PPFIA3: variants seen among roughly 807,000 people sequenced by gnomAD.
PPFIA3 encodes the protein PPFI scaffold protein A3, also known as liprin-alpha-3.
A neutral mutation model predicts 145.8 loss-of-function variants in PPFIA3; 26 were observed. The observed-to-expected ratio is 0.18, with a 90% CI of 0.13 to 0.25. The LOEUF (loss-of-function observed/expected upper bound fraction) is 0.25. Ranked by LOEUF, PPFIA3 falls within the 10% of genes least tolerant of loss-of-function variation. The probability of loss-of-function intolerance (pLI) is 1.00; values close to 1 mark genes in which losing one functional copy is unlikely to be tolerated. For synonymous variants in PPFIA3, 645 were observed against 661.4 expected (o/e 0.98, Z 0.38); for missense variants, 1,008 against 1,587.8 (o/e 0.63, Z 6.21).
intron 23 of PPFIA3, among the ~76,000 whole-genome samples, chr19:49,147,515 G>A (rs557777144): frequency 1.7e-4 from 26 of 152,030 alleles, no homozygotes; most frequent in African/African-American, 5.5e-4. Context: ...GTGAAACGCC[G>A]TCTCTACTAA....
At chr19:49,131,551 C>T (rs1242830782) in intron 7 of PPFIA3, among the ~76,000 whole-genome samples, 7 of 151,944 alleles carry the variant, frequency 4.6e-5, no homozygotes, top group African/African-American at 1.4e-4. Context: ...ATCCCAGTGA[C>T]CCCAGGGAGC....
At chr19:49,139,377 T>C (rs1410397070) in intron 16 of PPFIA3, among the ~76,000 whole-genome samples, 1 of 149,842 alleles carries the variant, frequency 6.7e-6, no homozygotes, top group Non-Finnish European at 1.5e-5. Context: ...TAATCTCAGC[T>C]ACTTGGGAGG....
intron 23 of PPFIA3, 103 bp downstream of exon 23, chr19:49,146,295 C>T: frequency 2.1e-6 from 3 of 1,400,414 alleles, no homozygotes; most frequent in Non-Finnish European, 2.9e-6. Context: ...AACATGCCAT[C>T]ATCCCCATGG....
chr19:49,121,272 C>T (rs2040933425), intron 1 of PPFIA3, among the ~76,000 whole-genome samples: 2 of 152,190 alleles, frequency 1.3e-5, no homozygotes, highest in African/African-American at 4.8e-5. Context: ...ATAAGGAGAT[C>T]TAGAAGCTAC....
At position 49,141,436 on chromosome 19, in the gene PPFIA3, T is replaced by C. The variant is rs200252118; in HGVS notation, c.2385T>C (p.Asp795=). The C allele has an allele frequency of 5.6e-6, 9 of 1,613,920 alleles. No homozygotes were observed. The Admixed American group carries it at 1.0e-4, about 18-fold the overall frequency. ...TGCCTCCAGCTGGAACACCCTCAGA[T>C]GAGACACTGGCCACTGACCCTCTGG... ...DSSSLAGTPS[D]ETLATDPLGL... Residue 795 remains aspartate (D), a synonymous_variant, in exon 19 of 30, where the codon GAT becomes GAC. Transcript: ENST00000334186.
At position 49,139,812 on chromosome 19, in the gene PPFIA3, G is replaced by A; in HGVS notation, c.2221G>A (p.Gly741Arg). The change falls in exon 17 of 30, where the codon GGG becomes AGG. Residue 741 changes from glycine to arginine, a missense_variant. Coordinates refer to ENST00000334186, the MANE Select transcript of PPFIA3 (RefSeq NM_003660.4). ...LALQAGSLEDGGPPRGSEGTP... is the reference protein window; with the variant it reads ...LALQAGSLEDRGPPRGSEGTP... ...ACTGCAGGCGGGGTCCCTGGAAGAT[G>A]GGGGACCCCCACGGGGAAGGTCAGC... is the stretch of plus-strand genomic sequence containing the variant. The A allele has an allele frequency of 6.2e-7, 1 of 1,611,252 alleles. No homozygotes were observed. Among genetic ancestry groups the A allele is most frequent in the Non-Finnish European group, 8.5e-7 (1 of 1,178,188 alleles).
Position 49,149,483 on chromosome 19 carries a change from AAAGG to A in PPFIA3, c.3355-59_3355-56del. ...GTGAGACCCGGAGAGGGGTGGAGTC[AAAGG>A]AAGGGGCGGAGTCAGACAAGGCAGG... On this transcript the variant is annotated intron_variant, in intron 27 of 29. Coordinates refer to ENST00000334186, the MANE Select transcript of PPFIA3 (RefSeq NM_003660.4). This position sits in a 1 kb window ranked among gnomAD's most constrained non-coding sequence, Gnocchi z 5.7. The A allele has an allele frequency of 6.2e-7, 1 of 1,604,482 alleles. No homozygotes were observed. The highest frequency in any genetic ancestry group is 8.5e-7 in the Non-Finnish European group (1 of 1,172,834).
chr19:49,149,516 C>A lies in PPFIA3; in HGVS notation c.3355-31C>A. ...GGGCGGAGTCAGACAAGGCAGGAGTCCCTCACCGGCTGTCCGGCTCCTATA... is the reference window on the plus strand; with the variant it reads ...GGGCGGAGTCAGACAAGGCAGGAGTACCTCACCGGCTGTCCGGCTCCTATA... On this transcript the variant is annotated intron_variant, in intron 27 of 29. Transcript: ENST00000334186. This position sits in a 1 kb window ranked among gnomAD's most constrained non-coding sequence, Gnocchi z 5.7. 1 of 1,613,448 alleles carries A rather than the reference C, an allele frequency of 6.2e-7. No homozygotes were observed. Among genetic ancestry groups the A allele is most frequent in the Non-Finnish European group, 8.5e-7 (1 of 1,179,658 alleles).
intron 1 of PPFIA3, among the ~76,000 whole-genome samples, chr19:49,125,158 G>T (rs1237193849): frequency 2.7e-4 from 41 of 152,160 alleles, no homozygotes; most frequent in Admixed American, 2.7e-3. Flanking sequence ...CTGAGTGCTG[G>T]GATTCGCCTG....
chr19:49,128,743 G>T lies in PPFIA3; in HGVS notation c.343-105G>T. ...ACCTGTCTCGGTGCTCCTTTATATGGCTCCATCTTTTCCTCCATGTGTCCG... is the reference window on the plus strand; with the variant it reads ...ACCTGTCTCGGTGCTCCTTTATATGTCTCCATCTTTTCCTCCATGTGTCCG... On this transcript the variant is annotated intron_variant, in intron 3 of 29. Transcript: ENST00000334186. The surrounding 1 kb of genome is among the most constrained non-coding windows in gnomAD (Gnocchi z 4.1). 1 of 1,141,834 alleles carries T rather than the reference G, an allele frequency of 8.8e-7. No individual in the cohort carries two copies. Among genetic ancestry groups the T allele is most frequent in the Non-Finnish European group, 1.2e-6 (1 of 807,878 alleles). The allele number at this position is 1,141,834 out of a possible 1,614,324, so 70.7% of individuals were successfully genotyped here.
At chr19:49,150,021 C>T in intron 28 of PPFIA3, 59 bp from the exon 29 acceptor site, 1 of 1,549,852 alleles carries the variant, frequency 6.5e-7, no homozygotes. Flanking sequence ...GGGAGGAATC[C>T]TGGAGAGGAA....
In PPFIA3 at chr19:49,149,953, G is replaced by A. The variant is rs563451621; in HGVS notation, c.3527-127G>A. 9.4e-5 allele frequency: 117 copies of A among 1,239,058 alleles called. 1 individual carries two copies. The highest frequency in any genetic ancestry group is 7.5e-4 in the Middle Eastern group (4 of 5,306). 76.8% of individuals were successfully genotyped at this position (1,239,058 alleles called of 1,614,324 possible). On this transcript the variant is annotated intron_variant, in intron 28 of 29. Transcript: ENST00000334186. The surrounding 1 kb of genome is among the most constrained non-coding windows in gnomAD (Gnocchi z 5.7). ...GTTTGAGTCCTTGGCTGCGGGGAAG[G>A]GAGGGAAACCCATGTGGAGCCCGGC...
intron 1 of PPFIA3, among the ~76,000 whole-genome samples, chr19:49,123,847 A>G (rs2040965859): frequency 6.6e-6 from 1 of 152,050 alleles, no homozygotes; most frequent in Non-Finnish European, 1.5e-5. Flanking sequence ...TTTTTTCCCC[A>G]GTGCAGCCTT....
intron 1 of PPFIA3, among the ~76,000 whole-genome samples, chr19:49,122,125 G>A (rs993207503): frequency 2.6e-4 from 37 of 142,812 alleles, no homozygotes; most frequent in African/African-American, 7.9e-4. Context: ...TTGTTGCTCA[G>A]GCTGGAGTGC....
chr19:49,121,731 G>A (rs1288499428), intron 1 of PPFIA3, among the ~76,000 whole-genome samples: 2 of 152,082 alleles, frequency 1.3e-5, no homozygotes, highest in Non-Finnish European at 2.9e-5. Context: ...AGCTGAGATC[G>A]TGCCACTGCA....
chr19:49,120,105 C>T lies in PPFIA3; in HGVS notation c.-16+383C>T, dbSNP rs984962669. Among the ~76,000 whole-genome samples the T allele has an allele frequency of 1.5e-4, 23 of 152,090 alleles. No homozygotes were observed. Among genetic ancestry groups the T allele is most frequent in the Non-Finnish European group, 3.1e-4 (21 of 67,988 alleles). On this transcript the variant is annotated intron_variant, in intron 1 of 29. Transcript: ENST00000334186. This position sits in a 1 kb window ranked among gnomAD's most constrained non-coding sequence, Gnocchi z 4.6. ...TCCCCGCTTCGCGCACTCCGTCTCC[C>T]GTCGCCAGCCTCGGGCTTGCACAGC...
intron 23 of PPFIA3, among the ~76,000 whole-genome samples, chr19:49,146,745 C>T (rs866722567): frequency 3.9e-5 from 6 of 152,126 alleles, no homozygotes; most frequent in African/African-American, 1.4e-4. Context: ...GTCTGGCCAA[C>T]ATGGTGAAAC....
In PPFIA3 at chr19:49,133,584, G is replaced by C. The variant is rs1568436692; in HGVS notation, c.1162-212G>C. Among the ~76,000 whole-genome samples, 1 of 152,164 alleles carries C rather than the reference G, an allele frequency of 6.6e-6. No homozygotes were observed. Among genetic ancestry groups the C allele is most frequent in the Non-Finnish European group, 1.5e-5 (1 of 68,032 alleles). On this transcript the variant is annotated intron_variant, in intron 9 of 29. Transcript: ENST00000334186. The surrounding 1 kb of genome is among the most constrained non-coding windows in gnomAD (Gnocchi z 7.2). ...GATGGGAGCGGGGTTCTCTAGCCTG[G>C]ACTGAAAGGACCGGTGGCCTGGAAC...
intron 13 of PPFIA3, 35 bp from the exon 14 acceptor site, chr19:49,135,744 C>G: frequency 1.3e-6 from 2 of 1,578,876 alleles, no homozygotes; most frequent in Non-Finnish European, 1.7e-6. Context: ...TTTTCCTGAC[C>G]CCTTGGTCTC....
Sources: allele counts gnomAD v4.1 joint callset (sites outside exome capture counted in the v4.1 genomes callset), GRCh38; gene constraint gnomAD v4.1.1; non-coding constraint Gnocchi (gnomAD v3.1); transcripts MANE v1.5; gene names NCBI Gene and HGNC (gene_info 2026-07-23, HGNC 2026-07-21).